PRLR: variants seen among roughly 807,000 people sequenced by gnomAD.
PRLR encodes the protein hPRL receptor.
A neutral mutation model predicts 40.2 loss-of-function variants in PRLR; 13 were observed. That is an observed-to-expected ratio of 0.32 (90% confidence interval 0.21 to 0.51). The LOEUF is 0.51. Among genes scored for constraint, PRLR ranks in the 20% least tolerant of loss-of-function variants. PRLR has a pLI of 0.97. For missense variants in PRLR, 656 were observed against 747.3 expected (o/e 0.88, Z 1.42); for synonymous variants, 269 against 278.7 (o/e 0.97, Z 0.35).
At chr5:35,052,671 A>C (rs1318462667), downstream of PRLR, among the ~76,000 whole-genome samples, 1 of 152,112 alleles carries the variant, frequency 6.6e-6, no homozygotes, top group Non-Finnish European at 1.5e-5. Context: ...GTAAAAACTG[A>C]CTGTAGATAA....
At chr5:35,118,990 T>G (rs374056682) in intron 1 of PRLR, among the ~76,000 whole-genome samples, 12 of 152,182 alleles carry the variant, frequency 7.9e-5, no homozygotes, top group East Asian at 7.7e-4. Context: ...GAGATGGGGT[T>G]TTGCCATGTT....
intron 1 of PRLR, among the ~76,000 whole-genome samples, chr5:35,209,460 C>G (rs1189304330): frequency 6.6e-6 from 1 of 152,004 alleles, no homozygotes; most frequent in Non-Finnish European, 1.5e-5. Context: ...AAAAAGCCTT[C>G]AAAGAAATCC....
rs1769824763 is a variant in PRLR, at chr5:35,072,636, GT to G, written c.481del (p.Thr161LeufsTer12). The G allele has an allele frequency of 6.2e-7, 1 of 1,614,054 alleles. No individual in the cohort carries two copies. The highest frequency in any genetic ancestry group is 1.7e-5 in the Admixed American group (1 of 60,002). ...TTCATACAGGAGCGTGAACCAACCA[GT>G]TTTTAAGTCAATCAGGGTAGGTGGA... ...WSPPTLIDLK[T>X]GWFTLLYEIR... is the part of the protein sequence containing the mutation. On this transcript the variant is annotated frameshift_variant, in exon 6 of 10. Transcript: ENST00000618457. LOFTEE classifies it high-confidence loss of function.
chr5:35,084,897 G>T (rs1202799399), intron 4 of PRLR, among the ~76,000 whole-genome samples: 1 of 151,950 alleles, frequency 6.6e-6, no homozygotes, highest in Non-Finnish European at 1.5e-5. Context: ...AAGTGTTCTT[G>T]TGGGCTCGGG....
At chr5:35,229,383 C>T (rs987812682) in intron 1 of PRLR, among the ~76,000 whole-genome samples, 2 of 152,070 alleles carry the variant, frequency 1.3e-5, no homozygotes, top group Non-Finnish European at 2.9e-5. Context: ...ATAGAATCCC[C>T]TACGTTGCTT....
At chr5:35,217,397 C>T (rs904603222) in intron 1 of PRLR, among the ~76,000 whole-genome samples, 2 of 152,216 alleles carry the variant, frequency 1.3e-5, no homozygotes, top group Non-Finnish European at 2.9e-5. Context: ...GTGATTTCAT[C>T]TGTTCTTTTA....
chr5:35,085,153 T>A (rs1770768003), intron 4 of PRLR, among the ~76,000 whole-genome samples: 1 of 152,158 alleles, frequency 6.6e-6, no homozygotes, highest in Admixed American at 6.5e-5. Context: ...AGCAATAAAG[T>A]GAAGTGACGT....
chr5:35,096,847 T>C (rs1337341121), intron 2 of PRLR, among the ~76,000 whole-genome samples: 1 of 152,178 alleles, frequency 6.6e-6, no homozygotes, highest in East Asian at 1.9e-4. Flanking sequence ...CTTGAACTCC[T>C]GGTCTCAAGT....
At chr5:35,182,158 C>G (rs1775311736) in intron 1 of PRLR, among the ~76,000 whole-genome samples, 1 of 152,078 alleles carries the variant, frequency 6.6e-6, no homozygotes, top group Non-Finnish European at 1.5e-5. Context: ...CTAAATTTAA[C>G]CACCATCTAT....
intron 1 of PRLR, among the ~76,000 whole-genome samples, chr5:35,204,373 C>T (rs1391539750): frequency 6.6e-6 from 1 of 152,024 alleles, no homozygotes; most frequent in Non-Finnish European, 1.5e-5. Flanking sequence ...TGCCTTGCAT[C>T]TTATGATGAG....
intron 6 of PRLR, 82 bp from the exon 7 acceptor site, chr5:35,070,347 G>T (rs1035447289): frequency 6.8e-7 from 1 of 1,461,328 alleles, no homozygotes; most frequent in Non-Finnish European, 9.5e-7. Context: ...AATAAACTAA[G>T]TTAGGCTGAA....
chr5:35,210,717 C>T (rs1184439406), intron 1 of PRLR, among the ~76,000 whole-genome samples: 1 of 152,018 alleles, frequency 6.6e-6, no homozygotes, highest in African/African-American at 2.4e-5. Context: ...AGATCTCTTC[C>T]TCTTTTTTTT....
At position 35,117,165 on chromosome 5, in the gene PRLR, C is replaced by T. The variant is rs1237143530; in HGVS notation, c.-44+896G>A. On this transcript the variant is annotated intron_variant, in intron 2 of 9. Coordinates refer to ENST00000618457, the MANE Select transcript of PRLR (RefSeq NM_000949.7). ...AATGCCTACACTGTTGTTTGAGAAACCCTGGCCCAGAGGGCAAGTTCAGGC... is the reference window on the plus strand; with the variant it reads ...AATGCCTACACTGTTGTTTGAGAAATCCTGGCCCAGAGGGCAAGTTCAGGC... Among the ~76,000 whole-genome samples the T allele has an allele frequency of 2.6e-5, 4 of 152,146 alleles. No homozygotes were observed. In the East Asian group the frequency reaches 7.7e-4, roughly 29 times the overall value.
In PRLR at chr5:35,065,163, A is replaced by C; in HGVS notation, c.1795T>G (p.Ser599Ala). Residue 599 changes from serine to alanine, a missense_variant, in exon 10 of 10, where the codon TCA (serine) becomes GCA (alanine). Ser to Ala is a moderately conservative substitution (Grantham distance 99, BLOSUM62 1). Coordinates refer to ENST00000618457, the MANE Select transcript of PRLR (RefSeq NM_000949.7). Reference sequence around the variant, plus strand: ...CCCAGCTGGAGCCTGCACTTGCTTGATGTTGCAGTGAAGTTGGCCAGGGCT... The same window carrying C: ...CCCAGCTGGAGCCTGCACTTGCTTGCTGTTGCAGTGAAGTTGGCCAGGGCT... Reference protein sequence around the residue: ...EKALANFTATSSKCRLQLGGL... With the variant: ...EKALANFTATASKCRLQLGGL... 1 of 1,614,204 alleles carries C rather than the reference A, an allele frequency of 6.2e-7. No individual in the cohort carries two copies. Among genetic ancestry groups the C allele is most frequent in the Non-Finnish European group, 8.5e-7 (1 of 1,180,022 alleles).
intron 2 of PRLR, among the ~76,000 whole-genome samples, chr5:35,098,070 T>G (rs1474624658): frequency 6.6e-6 from 1 of 152,206 alleles, no homozygotes; most frequent in Non-Finnish European, 1.5e-5. Context: ...TGCATATTCC[T>G]ACCCACTGTC....
At chr5:35,196,809 A>G (rs987711826) in intron 1 of PRLR, among the ~76,000 whole-genome samples, 2 of 152,164 alleles carry the variant, frequency 1.3e-5, no homozygotes, top group African/African-American at 4.8e-5. Context: ...TGGCTTATAA[A>G]CCACATAACT....
In PRLR at chr5:35,201,689, A is replaced by G. The variant is rs549841033; in HGVS notation, c.-106+28579T>C. On this transcript the variant is annotated intron_variant, in intron 1 of 9. Coordinates refer to ENST00000618457, the MANE Select transcript of PRLR (RefSeq NM_000949.7). ...CAAATCCTTTAATATTTTTGCAGAT[A>G]CTTTTAGTTCTCTTCTCTTCTCTTC... 3.1e-3 allele frequency among the ~76,000 whole-genome samples: 425 copies of G among 137,760 alleles called. 2 individuals are homozygous for G. Among genetic ancestry groups the G allele is most frequent in the African/African-American group, 0.01 (407 of 38,894 alleles). The allele number at this position is 137,760 out of a possible 152,430, so 90.4% of individuals were successfully genotyped here. A position where few individuals can be genotyped will look rare whatever the true frequency, so the allele number is the denominator to read the frequency against.
intron 1 of PRLR, among the ~76,000 whole-genome samples, chr5:35,146,405 C>T (rs893829091): frequency 6.6e-6 from 1 of 152,148 alleles, no homozygotes; most frequent in Non-Finnish European, 1.5e-5. Flanking sequence ...CGTTTTATCA[C>T]ACTGGAGATT....
chr5:35,073,836 A>G (rs1482110234), intron 5 of PRLR, among the ~76,000 whole-genome samples: 1 of 152,232 alleles, frequency 6.6e-6, no homozygotes, highest in Non-Finnish European at 1.5e-5. Context: ...TCAAAACCAC[A>G]GTGAGATACC....
Sources: allele counts gnomAD v4.1 joint callset (sites outside exome capture counted in the v4.1 genomes callset), GRCh38; gene constraint gnomAD v4.1.1; transcripts MANE v1.5; gene names NCBI Gene and HGNC (gene_info 2026-07-23, HGNC 2026-07-21).